The following MZT1 variants were observed in gnomAD, a reference collection of about 807,000 sequenced individuals.
MZT1 encodes mitotic-spindle organizing protein 1.
In MZT1, 8 loss-of-function variants were observed where a neutral mutation model predicts 8.5. The observed-to-expected ratio is 0.94, with a 90% confidence interval of 0.55 to 1.70. MZT1 has a LOEUF of 1.70. Ranked by LOEUF, MZT1 falls within the 40% of genes most tolerant of loss-of-function variation. The pLI is 0.00. For synonymous variants in MZT1, 38 were observed against 42.0 expected, an observed-to-expected ratio of 0.90 and a Z score of 0.37; for missense variants, 93 against 108.6, an observed-to-expected ratio of 0.86 and a Z score of 0.64.
At chr13:72,726,431 C>CA (rs1566215537) in intron 1 of MZT1, among the ~76,000 whole-genome samples, 1 of 151,286 alleles carries the variant, frequency 6.6e-6, no homozygotes, top group Admixed American at 6.6e-5. Context: ...GACTGTGTCT[C>CA]AAAAAAGAAA....
At chr13:72,711,078 A>G in intron 2 of MZT1, among the ~76,000 whole-genome samples, 1 of 152,210 alleles carries the variant, frequency 6.6e-6, no homozygotes, top group East Asian at 1.9e-4. Context: ...ACAGTACAGG[A>G]CATCTGTAAG....
rs1268729366 is a variant in MZT1, at chr13:72,710,094, T to C, written c.*228A>G. ...TATGAACATAGCAATGCCAAAGCAT[T>C]AGAGCTGTTAAAAAAAGTGAATAAG... On this transcript the variant is annotated 3_prime_UTR_variant, in exon 3 of 3. Coordinates refer to ENST00000377818, the MANE Select transcript of MZT1 (RefSeq NM_001071775.3). 4 of 539,146 alleles carry C rather than the reference T, an allele frequency of 7.4e-6. No homozygotes were observed. The highest frequency in any genetic ancestry group is 1.3e-5 in the Non-Finnish European group (4 of 302,236). 33.4% of individuals were successfully genotyped at this position (539,146 alleles called of 1,614,324 possible).
In MZT1 at chr13:72,718,938, T is replaced by C. The variant is rs772890866; in HGVS notation, c.225+14A>G. On this transcript the variant is annotated intron_variant, in intron 2 of 2. Transcript: ENST00000377818. ...AGCATCTTTATTTAGAATGAACTAA[T>C]AGGAATCTCCAACCTTCAGTGCTTC... The C allele has an allele frequency of 6.4e-7, 1 of 1,559,208 alleles. No individual in the cohort carries two copies. Among genetic ancestry groups the C allele is most frequent in the East Asian group, 2.3e-5 (1 of 43,750 alleles).
At chr13:72,718,561 C>T (rs902007648) in intron 2 of MZT1, among the ~76,000 whole-genome samples, 6 of 151,928 alleles carry the variant, frequency 3.9e-5, no homozygotes, top group Non-Finnish European at 5.9e-5. Flanking sequence ...CTGCAAGCTC[C>T]GCGCCTCCTG....
chr13:72,710,527 G>A (rs1198761885), intron 2 of MZT1, among the ~76,000 whole-genome samples, 182 bp from the exon 3 acceptor site: 1 of 152,090 alleles, frequency 6.6e-6, no homozygotes, highest in Non-Finnish European at 1.5e-5. Flanking sequence ...CCTTTTGAAT[G>A]TACAGTTAAC....
At chr13:72,714,618 G>A (rs1243940093) in intron 2 of MZT1, among the ~76,000 whole-genome samples, 6 of 152,196 alleles carry the variant, frequency 3.9e-5, no homozygotes, top group Non-Finnish European at 7.4e-5. Flanking sequence ...TCAGGGCCCC[G>A]CAGCCCTCCA....
intron 1 of MZT1, among the ~76,000 whole-genome samples, chr13:72,724,742 A>ATAT (rs1367415380): frequency 5.8e-5 from 1 of 17,242 alleles, no homozygotes; most frequent in African/African-American, 8.3e-5. Flanking sequence ...ATATATATAC[A>ATAT]CATATATATA....
At chr13:72,710,447 C>A in intron 2 of MZT1, 102 bp from the exon 3 acceptor site, 2 of 1,053,262 alleles carry the variant, frequency 1.9e-6, no homozygotes, top group South Asian at 1.3e-5. Context: ...AACAACTATT[C>A]CCCATAAAAC....
At chr13:72,721,329 T>C (rs2032591927) in intron 1 of MZT1, among the ~76,000 whole-genome samples, 1 of 152,230 alleles carries the variant, frequency 6.6e-6, no homozygotes, top group African/African-American at 2.4e-5. Context: ...ATCCAATGTC[T>C]TATGAATTAC....
At chr13:72,718,370 A>T (rs929049002) in intron 2 of MZT1, among the ~76,000 whole-genome samples, 4 of 152,198 alleles carry the variant, frequency 2.6e-5, no homozygotes, top group African/African-American at 9.6e-5. Flanking sequence ...AGGGGTTAGG[A>T]CCTCAACATG....
Position 72,724,752 on chromosome 13 carries a change from A to ATATATATATGTG in MZT1, c.79+2771_79+2772insCACATATATATA, listed in dbSNP as rs1180726488. 1.7e-3 allele frequency among the ~76,000 whole-genome samples: 98 copies of ATATATATATGTG among 56,874 alleles called. 15 individuals are homozygous for ATATATATATGTG. Among genetic ancestry groups the ATATATATATGTG allele is most frequent in the Non-Finnish European group, 2.5e-3 (66 of 26,828 alleles). 37.3% of individuals were successfully genotyped at this position (56,874 alleles called of 152,430 possible). ...TATATATATATATACACATATATAT[A>ATATATATATGTG]TGTAAAGTGGTGCTACAGGCCGGGC... On this transcript the variant is annotated intron_variant, in intron 1 of 2. Transcript: ENST00000377818.
chr13:72,726,761 A>AC (rs1324766925), intron 1 of MZT1, among the ~76,000 whole-genome samples: 1 of 151,440 alleles, frequency 6.6e-6, no homozygotes, highest in East Asian at 1.9e-4. Flanking sequence ...AAAAAAAAAA[A>AC]ACTAAACAGG....
intron 1 of MZT1, 69 bp downstream of exon 1, chr13:72,727,455 C>G (rs1331448212): frequency 3.3e-6 from 5 of 1,505,202 alleles, no homozygotes; most frequent in Non-Finnish European, 4.6e-6. Flanking sequence ...CCTCCCCAGG[C>G]TCATTCCCGC....
At position 72,710,292 on chromosome 13, in the gene MZT1, G is replaced by C; in HGVS notation, c.*30C>G. 6.2e-7 allele frequency: 1 copy of C among 1,611,102 alleles called. No homozygotes were observed. Among genetic ancestry groups the C allele is most frequent in the Non-Finnish European group, 8.5e-7 (1 of 1,177,586 alleles). On this transcript the variant is annotated 3_prime_UTR_variant, in exon 3 of 3. Coordinates refer to ENST00000377818, the MANE Select transcript of MZT1 (RefSeq NM_001071775.3). The stretch of plus-strand genomic sequence containing the variant: ...ATCTTCAAACCCTCTTGCAGAGCTT[G>C]ACATATCTCATCAGAATTTCTCCAG...
chr13:72,727,098 G>A (rs1250095763), intron 1 of MZT1, among the ~76,000 whole-genome samples: 2 of 152,274 alleles, frequency 1.3e-5, no homozygotes, highest in Non-Finnish European at 2.9e-5. Flanking sequence ...GTCCCCGCCG[G>A]GATCCCAACC....
At chr13:72,716,211 C>T (rs781303575) in intron 2 of MZT1, among the ~76,000 whole-genome samples, 22 of 152,014 alleles carry the variant, frequency 1.4e-4, no homozygotes, top group Non-Finnish European at 2.6e-4. Flanking sequence ...CTATCATGCC[C>T]GGCAGGTATT....
At chr13:72,716,221 T>G (rs1260798634) in intron 2 of MZT1, among the ~76,000 whole-genome samples, 2 of 152,150 alleles carry the variant, frequency 1.3e-5, no homozygotes, top group Non-Finnish European at 2.9e-5. Context: ...CGGCAGGTAT[T>G]TCTTTATATC....
intron 1 of MZT1, 41 bp downstream of exon 1, chr13:72,727,483 G>A (rs116470408): frequency 6.3e-7 from 1 of 1,598,906 alleles, no homozygotes. Flanking sequence ...CCTTGGCTCT[G>A]GGAAGGCACG....
At chr13:72,711,372 T>C (rs1321876288) in intron 2 of MZT1, among the ~76,000 whole-genome samples, 1 of 152,140 alleles carries the variant, frequency 6.6e-6, no homozygotes, top group Non-Finnish European at 1.5e-5. Flanking sequence ...ACTTATGTAA[T>C]TAGGGAGATA....
Sources: allele counts gnomAD v4.1 joint callset (sites outside exome capture counted in the v4.1 genomes callset), GRCh38; gene constraint gnomAD v4.1.1; transcripts MANE v1.5; gene names NCBI Gene and HGNC (gene_info 2026-07-23, HGNC 2026-07-21).